The following GPC4 variants were observed in gnomAD, a reference collection of about 807,000 sequenced individuals.
GPC4 encodes the protein glypican 4.
In GPC4, 10 loss-of-function variants were observed where a neutral mutation model predicts 35.0. The observed-to-expected ratio is 0.29, with a 90% CI of 0.18 to 0.48. The LOEUF is 0.48. Among genes scored for constraint, GPC4 ranks in the 20% least tolerant of loss-of-function variants. GPC4 has a pLI of 0.99. For missense variants in GPC4, 322 were observed against 451.3 expected (o/e 0.71, Z 2.60); for synonymous variants, 167 against 170.2 (o/e 0.98, Z 0.15).
intron 3 of GPC4, among the ~76,000 whole-genome samples, chrX:133,322,875 T>C (rs1414069127): frequency 8.9e-6 from 1 of 112,181 alleles, no homozygotes; most frequent in Non-Finnish European, 1.9e-5. Flanking sequence ...AGATCAGCCT[T>C]GCAAAGATCA....
In GPC4 at chrX:133,326,417, G is replaced by A. The variant is rs565486278; in HGVS notation, c.320-1881C>T. 1.3e-4 allele frequency among the ~76,000 whole-genome samples: 15 copies of A among 111,844 alleles called. No individual in the cohort carries two copies. The South Asian group carries it at 5.3e-3, about 40-fold the overall frequency. On this transcript the variant is annotated intron_variant, in intron 2 of 8. Transcript: ENST00000370828. Reference sequence around the variant, plus strand: ...TTCTTGGCCCCACCCCAGAGTTACTGAATCAGAAACCCTGGAGGGTCCCTT... The same window carrying A: ...TTCTTGGCCCCACCCCAGAGTTACTAAATCAGAAACCCTGGAGGGTCCCTT...
intron 1 of GPC4, among the ~76,000 whole-genome samples, chrX:133,406,515 C>T (rs1468303739): frequency 1.8e-5 from 2 of 110,736 alleles, no homozygotes; most frequent in African/African-American, 3.3e-5. Flanking sequence ...TTTGGGAGGC[C>T]GAGGCGGGCG....
intron 2 of GPC4, among the ~76,000 whole-genome samples, chrX:133,335,187 C>T (rs1480631428): frequency 6.3e-5 from 7 of 111,003 alleles, no homozygotes; most frequent in East Asian, 2.8e-4. Flanking sequence ...ATTAGCAGCT[C>T]TACTATCAAA....
chrX:133,371,084 CACAT>C (rs1401147929), intron 1 of GPC4, among the ~76,000 whole-genome samples: 1 of 112,317 alleles, frequency 8.9e-6, no homozygotes, highest in Non-Finnish European at 1.9e-5. Context: ...CCCGTACACA[CACAT>C]ACAATTAGTC....
chrX:133,367,782 C>T (rs2068596114), intron 1 of GPC4, among the ~76,000 whole-genome samples: 1 of 112,024 alleles, frequency 8.9e-6, no homozygotes, highest in African/African-American at 3.2e-5. Context: ...GTGAGAGGAT[C>T]ACCTGAGCCC....
chrX:133,397,686 T>A (rs1256051432), intron 1 of GPC4, among the ~76,000 whole-genome samples: 2 of 111,979 alleles, frequency 1.8e-5, no homozygotes, highest in Non-Finnish European at 3.8e-5. Context: ...CCTGAGTGCC[T>A]CCTAGCATAT....
intron 1 of GPC4, among the ~76,000 whole-genome samples, chrX:133,342,171 G>A (rs150373628): frequency 0.01 from 1,111 of 107,727 alleles, 7 homozygotes; most frequent in Middle Eastern, 0.047. Context: ...CAAGTAACTG[G>A]GATTACAGGC....
chrX:133,319,112 C>T (rs754215101), intron 3 of GPC4, among the ~76,000 whole-genome samples: 17 of 111,546 alleles, frequency 1.5e-4, no homozygotes, highest in African/African-American at 4.6e-4. Flanking sequence ...TCTAAGTATG[C>T]AAACAAGACC....
chrX:133,337,039 G>A (rs571448839), intron 2 of GPC4, among the ~76,000 whole-genome samples: 1 of 110,986 alleles, frequency 9.0e-6, no homozygotes, highest in Non-Finnish European at 1.9e-5. Flanking sequence ...GGCTGGTCTC[G>A]AACTCCTGGG....
chrX:133,407,047 G>T (rs188377998), intron 1 of GPC4, among the ~76,000 whole-genome samples: 6 of 100,658 alleles, frequency 6.0e-5, no homozygotes, highest in South Asian at 4.9e-4. Context: ...TTGCACGCCA[G>T]CCTGGGTGAC....
intron 1 of GPC4, among the ~76,000 whole-genome samples, chrX:133,373,176 A>G (rs1018459270): frequency 8.9e-6 from 1 of 111,820 alleles, no homozygotes; most frequent in Non-Finnish European, 1.9e-5. Context: ...AAATAAAAAC[A>G]TGTTCTCTAA....
chrX:133,308,522 A>T (rs748725739), intron 4 of GPC4, among the ~76,000 whole-genome samples: 12 of 111,865 alleles, frequency 1.1e-4, no homozygotes, highest in Admixed American at 1.9e-4. Flanking sequence ...GTCTTATAAA[A>T]CCAAGTTCTA....
At chrX:133,407,638 C>G (rs1281436964) in intron 1 of GPC4, among the ~76,000 whole-genome samples, 1 of 111,790 alleles carries the variant, frequency 8.9e-6, no homozygotes, top group East Asian at 2.8e-4. Context: ...CCATTATTAT[C>G]ACACATGCCA....
chrX:133,353,969 AAGTCTTTGATGTG>A (rs1330909913), intron 1 of GPC4, among the ~76,000 whole-genome samples: 1 of 111,931 alleles, frequency 8.9e-6, no homozygotes, highest in Non-Finnish European at 1.9e-5. Context: ...TTATCATGAA[AAGTCTTTGATGTG>A]ATAGCAAAAA....
At chrX:133,362,892 G>A (rs1037476055) in intron 1 of GPC4, among the ~76,000 whole-genome samples, 2 of 111,982 alleles carry the variant, frequency 1.8e-5, no homozygotes, top group African/African-American at 6.5e-5. Context: ...TTGCACAGCT[G>A]TCTCCCACTA....
In GPC4 at chrX:133,355,387, T is replaced by C. The variant is rs1428950615; in HGVS notation, c.161-16046A>G. Reference sequence around the variant, plus strand: ...CTTGGTGGTATGGGCAAGTAGAAAATATACTCTTATAAAAAAGCATTGTTT... The same window carrying C: ...CTTGGTGGTATGGGCAAGTAGAAAACATACTCTTATAAAAAAGCATTGTTT... On this transcript the variant is annotated intron_variant, in intron 1 of 8. Transcript: ENST00000370828. Among the ~76,000 whole-genome samples the C allele has an allele frequency of 2.7e-5, 3 of 111,918 alleles. No homozygotes were observed. In the East Asian group the frequency reaches 8.4e-4, roughly 31 times the overall value.
chrX:133,393,177 T>C (rs1022791877), intron 1 of GPC4, among the ~76,000 whole-genome samples: 1 of 112,130 alleles, frequency 8.9e-6, no homozygotes, highest in African/African-American at 3.2e-5. Context: ...GACACTGCTT[T>C]CTAGGAAGTT....
intron 1 of GPC4, among the ~76,000 whole-genome samples, chrX:133,348,154 C>A (rs910097477): frequency 8.9e-6 from 1 of 112,318 alleles, no homozygotes; most frequent in African/African-American, 3.2e-5. Flanking sequence ...AGAAATCAAC[C>A]AAGGCTTCTT....
At chrX:133,363,860 T>C (rs1055527437) in intron 1 of GPC4, among the ~76,000 whole-genome samples, 1 of 111,435 alleles carries the variant, frequency 9.0e-6, no homozygotes, top group African/African-American at 3.3e-5. Flanking sequence ...ACACCAGCCC[T>C]GGGCAAGCAT....
Sources: allele counts gnomAD v4.1 joint callset (sites outside exome capture counted in the v4.1 genomes callset), GRCh38; gene constraint gnomAD v4.1.1; transcripts MANE v1.5; gene names NCBI Gene and HGNC (gene_info 2026-07-23, HGNC 2026-07-21).